DCLK2: variants seen among roughly 807,000 people sequenced by gnomAD.
The protein encoded by DCLK2 is serine/threonine-protein kinase DCLK2.
In DCLK2, 31 loss-of-function variants were observed where a neutral mutation model predicts 78.4. The observed-to-expected ratio is 0.40, with a 90% confidence interval of 0.30 to 0.53. The LOEUF (loss-of-function observed/expected upper bound fraction) is 0.53, where lower values mean the gene tolerates loss of function less well. Among genes scored for constraint, DCLK2 ranks in the 20% least tolerant of loss-of-function variants. DCLK2 has a pLI of 0.61. For synonymous variants in DCLK2, 407 were observed against 374.9 expected (o/e 1.09, Z -0.99); for missense variants, 872 against 973.7 (o/e 0.90, Z 1.39).
intron 1 of DCLK2, among the ~76,000 whole-genome samples, chr4:150,082,292 G>A (rs1580463217): frequency 1.3e-5 from 2 of 152,110 alleles, no homozygotes; most frequent in African/African-American, 4.8e-5. Context: ...CTACTTCTTC[G>A]ATCCCATGAA....
intron 2 of DCLK2, among the ~76,000 whole-genome samples, chr4:150,130,227 C>G (rs1326764596): frequency 6.6e-6 from 1 of 152,060 alleles, no homozygotes; most frequent in South Asian, 2.1e-4. Flanking sequence ...AGTGAGGTCC[C>G]TGTTCTTCAG....
At chr4:150,218,983 G>A (rs1740959056) in intron 5 of DCLK2, among the ~76,000 whole-genome samples, 1 of 152,120 alleles carries the variant, frequency 6.6e-6, no homozygotes, top group Non-Finnish European at 1.5e-5. Flanking sequence ...GCAGGCAGAT[G>A]GCTTAAGCCC....
At chr4:150,106,143 G>A (rs761348404) in intron 2 of DCLK2, among the ~76,000 whole-genome samples, 143 of 151,372 alleles carry the variant, frequency 9.4e-4, no homozygotes, top group Admixed American at 2.3e-3. Context: ...ACACAACATT[G>A]GATATTGCAT....
chr4:150,165,154 C>A (rs1216090757), intron 2 of DCLK2, among the ~76,000 whole-genome samples: 1 of 152,176 alleles, frequency 6.6e-6, no homozygotes, highest in African/African-American at 2.4e-5. Flanking sequence ...GAGGAACTTC[C>A]TTGTTTAAAA....
chr4:150,220,629 T>C, intron 5 of DCLK2, 74 bp from the exon 6 acceptor site: 1 of 1,248,988 alleles, frequency 8.0e-7, no homozygotes, highest in East Asian at 2.3e-5. Context: ...TGTAAGCATT[T>C]TGTGTGTCAA....
chr4:150,176,263 T>G (rs1737081673), intron 2 of DCLK2, among the ~76,000 whole-genome samples: 1 of 152,176 alleles, frequency 6.6e-6, no homozygotes, highest in Admixed American at 6.5e-5. Context: ...CTCTGTGCTA[T>G]TCATCCACTC....
At chr4:150,194,022 GACACACACACACACACAC>G (rs58179559) in intron 3 of DCLK2, among the ~76,000 whole-genome samples, 25,313 of 133,844 alleles carry the variant, frequency 0.19, 2,477 homozygotes, top group Non-Finnish European at 0.23. Context: ...AAAGTGCTGG[GACACACACACACACACAC>G]ACACACACAC....
At chr4:150,224,030 G>A (rs1249632633) in intron 7 of DCLK2, among the ~76,000 whole-genome samples, 1 of 152,046 alleles carries the variant, frequency 6.6e-6, no homozygotes, top group Non-Finnish European at 1.5e-5. Flanking sequence ...GAACTATTTT[G>A]AGATTTACAT....
chr4:150,253,215 C>T (rs543348274), intron 15 of DCLK2: 20 of 515,186 alleles, frequency 3.9e-5, no homozygotes, highest in East Asian at 2.7e-4. Flanking sequence ...CCCTGGTACT[C>T]ATAGGTCCTC....
intron 15 of DCLK2, among the ~76,000 whole-genome samples, chr4:150,250,345 A>T (rs1262720625): frequency 6.6e-6 from 1 of 152,184 alleles, no homozygotes. Flanking sequence ...GTGACATGAG[A>T]GTAAATGAAT....
chr4:150,106,145 A>G (rs1731235621), intron 2 of DCLK2, among the ~76,000 whole-genome samples: 1 of 152,104 alleles, frequency 6.6e-6, no homozygotes, highest in Admixed American at 6.5e-5. Context: ...ACAACATTGG[A>G]TATTGCATTT....
chr4:150,086,534 T>G (rs1729658098), intron 1 of DCLK2, among the ~76,000 whole-genome samples: 1 of 146,912 alleles, frequency 6.8e-6, no homozygotes, highest in Admixed American at 6.7e-5. Context: ...TGAGACTGAG[T>G]CTCACTCTGT....
At chr4:150,102,839 C>A (rs1347137864) in intron 2 of DCLK2, 27 bp downstream of exon 2, 1 of 1,559,710 alleles carries the variant, frequency 6.4e-7, no homozygotes, top group Non-Finnish European at 8.6e-7. Context: ...TCCCAGCTCT[C>A]CATCTGACTT....
chr4:150,123,719 A>G (rs893360903), intron 2 of DCLK2, among the ~76,000 whole-genome samples: 12 of 152,268 alleles, frequency 7.9e-5, no homozygotes, highest in Non-Finnish European at 1.3e-4. Context: ...TTGCCTTTTC[A>G]GTAACCCTCT....
chr4:150,102,464 A>C lies in DCLK2; in HGVS notation c.422-14A>C. On this transcript the variant is annotated splice_polypyrimidine_tract_variant and intron_variant, in intron 1 of 15. Transcript: ENST00000296550. ...GAGATAATCATGCTAATAAAATCAA[A>C]TTTTGCTTTTTAGGTGAGAGTTACG... is the stretch of plus-strand genomic sequence containing the variant. The C allele has an allele frequency of 6.2e-7, 1 of 1,604,634 alleles. No homozygotes were observed. The highest frequency in any genetic ancestry group is 8.5e-7 in the Non-Finnish European group (1 of 1,174,698).
At position 150,224,505 on chromosome 4, in the gene DCLK2, A is replaced by G. The variant is rs780095704; in HGVS notation, c.1246A>G (p.Thr416Ala). ...CTTCCTCTGATTATTCCATAGGTCCACTGGAAAGGAGTTTGCCCTAAAGAT... is the reference window on the plus strand; with the variant it reads ...CTTCCTCTGATTATTCCATAGGTCCGCTGGAAAGGAGTTTGCCCTAAAGAT... ...AVVKECIDRS[T>A]GKEFALKIID... Residue 416 changes from threonine to alanine, a missense_variant, in exon 8 of 16, where the codon ACT (threonine) becomes GCT (alanine). By Grantham distance (58) the Thr-to-Ala change is moderately conservative. This residue lies in a region of DCLK2 where 567 missense variants were observed against 593.4 expected (regional missense o/e 0.96). Coordinates refer to ENST00000296550, the MANE Select transcript of DCLK2 (RefSeq NM_001040260.4). The G allele has an allele frequency of 1.2e-6, 2 of 1,610,960 alleles. No homozygotes were observed. Among genetic ancestry groups the G allele is most frequent in the Non-Finnish European group, 1.7e-6 (2 of 1,178,578 alleles).
chr4:150,178,475 G>A (rs2150276940), intron 2 of DCLK2, among the ~76,000 whole-genome samples: 1 of 152,022 alleles, frequency 6.6e-6, no homozygotes, highest in East Asian at 1.9e-4. Context: ...TTATTCAGAG[G>A]ATTTCTTCGA....
rs1361793534 is a variant in DCLK2 at position 150,198,024 on chromosome 4, T to G, written c.882T>G (p.Ser294=). Residue 294 remains serine, a synonymous_variant, in exon 4 of 16, where the codon TCT becomes TCG. Transcript: ENST00000296550. ...TAGAATGTCGTGTCCTGAAGTCATC[T>G]TATTCTCGATCCTCAGCTGTTAAGT... ...DHSECRVLKS[S]YSRSSAVKYS... 1 of 1,613,626 alleles carries G rather than the reference T, an allele frequency of 6.2e-7. No homozygotes were observed.
At chr4:150,200,963 G>A (rs761882403) in intron 4 of DCLK2, among the ~76,000 whole-genome samples, 1 of 151,978 alleles carries the variant, frequency 6.6e-6, no homozygotes, top group African/African-American at 2.4e-5. Flanking sequence ...GACTACAGGC[G>A]TGCGCCACCA....
Sources: gnomAD v4.1 joint callset for allele counts (sites outside exome capture counted in the v4.1 genomes callset) on GRCh38, gnomAD v4.1.1 for gene constraint, gnomAD v4.1.1 regional missense constraint, MANE v1.5 for transcripts, NCBI Gene and HGNC (gene_info 2026-07-23, HGNC 2026-07-21) for gene names.